MAST4: variants seen among roughly 807,000 people sequenced by gnomAD.
MAST4 encodes microtubule associated serine/threonine kinase family member 4, also known as microtubule-associated serine/threonine-protein kinase 4.
MAST4 carries 89 observed loss-of-function variants against 162.7 expected under a neutral mutation model. The observed-to-expected ratio is 0.55, with a 90% CI of 0.46 to 0.65. The LOEUF is 0.65. MAST4 is among the 30% of genes least tolerant of loss of function. The pLI is 0.00. For missense variants in MAST4, 3,153 were observed against 3,374.0 expected (o/e 0.93, Z 1.62); for synonymous variants, 1,479 against 1,361.1 (o/e 1.09, Z -1.91).
intron 3 of MAST4, among the ~76,000 whole-genome samples, chr5:66,828,032 A>G: frequency 6.6e-6 from 1 of 152,206 alleles, no homozygotes; most frequent in Non-Finnish European, 1.5e-5. Context: ...CTTATACACT[A>G]TACATAGGTT....
chr5:66,801,597 A>G lies in MAST4; in HGVS notation c.642+12803A>G, dbSNP rs75134999. The stretch of plus-strand genomic sequence containing the variant: ...ATAAACTACAAGATCTGCTTTTTAA[A>G]TCATCTGGAATAGAGCTTTACTGGT... On this transcript the variant is annotated intron_variant, in intron 3 of 28. Coordinates refer to ENST00000403625, the MANE Select transcript of MAST4 (RefSeq NM_001164664.2). Among the ~76,000 whole-genome samples, 1,109 of 152,342 alleles carry G rather than the reference A, an allele frequency of 7.3e-3. 28 individuals carry two copies. The highest frequency in any genetic ancestry group is 0.044 in the Admixed American group (668 of 15,294).
In MAST4 at chr5:66,912,874, C is replaced by T. The variant is rs925533798; in HGVS notation, c.674+12892C>T. Among the ~76,000 whole-genome samples the T allele has an allele frequency of 7.2e-5, 11 of 152,160 alleles. No homozygotes were observed. The East Asian group carries it at 7.7e-4, about 11-fold the overall frequency. ...GTTTTCATAAGGGTCTAAGTCTTTC[C>T]CTCCCAACACACACCACATCTACTA... is the stretch of plus-strand genomic sequence containing the variant. On this transcript the variant is annotated intron_variant, in intron 4 of 28. Coordinates refer to ENST00000403625, the MANE Select transcript of MAST4 (RefSeq NM_001164664.2).
chr5:66,642,985 A>T (rs969068431), intron 1 of MAST4, among the ~76,000 whole-genome samples: 4 of 152,200 alleles, frequency 2.6e-5, no homozygotes, highest in African/African-American at 9.6e-5. Context: ...ATACCTTTTG[A>T]ACATAAACCA....
chr5:67,167,135 G>T lies in MAST4; in HGVS notation c.*84G>T. ...GACTACCTTTCAAAACCAGCACTGT[G>T]TGGGAATGTCCGCCAGGCAGAGCTC... On this transcript the variant is annotated 3_prime_UTR_variant, in exon 29 of 29. Coordinates refer to ENST00000403625, the MANE Select transcript of MAST4 (RefSeq NM_001164664.2). 8.0e-7 allele frequency: 1 copy of T among 1,248,114 alleles called. No individual in the cohort carries two copies. Among genetic ancestry groups the T allele is most frequent in the Non-Finnish European group, 1.1e-6 (1 of 930,206 alleles). The allele number at this position is 1,248,114 out of a possible 1,614,324, so 77.3% of individuals were successfully genotyped here. A position where few individuals can be genotyped will look rare whatever the true frequency, so the allele number is the denominator to read the frequency against.
chr5:66,795,867 T>A (rs1221074455), intron 3 of MAST4, among the ~76,000 whole-genome samples: 1 of 152,180 alleles, frequency 6.6e-6, no homozygotes, highest in Non-Finnish European at 1.5e-5. Context: ...AAAGTAGTAA[T>A]CTCAATTGTG....
At chr5:66,750,832 C>T (rs368201086) in intron 1 of MAST4, among the ~76,000 whole-genome samples, 7 of 152,216 alleles carry the variant, frequency 4.6e-5, no homozygotes, top group East Asian at 3.9e-4. Context: ...TAGGCTCCAC[C>T]TCTGGGGGCA....
chr5:67,156,283 G>A lies in MAST4; in HGVS notation c.3648+2703G>A, dbSNP rs16896325. On this transcript the variant is annotated intron_variant, in intron 26 of 28. Transcript: ENST00000403625. ...CAATCTAAGCTTATCTGCTGGAAAGGAGTATAAGATGATTTGCACCCAGGC... is the reference window on the plus strand; with the variant it reads ...CAATCTAAGCTTATCTGCTGGAAAGAAGTATAAGATGATTTGCACCCAGGC... 4.8e-3 allele frequency among the ~76,000 whole-genome samples: 729 copies of A among 152,226 alleles called. 20 individuals carry two copies. The East Asian group carries it at 0.059, about 12-fold the overall frequency.
chr5:66,932,065 C>G (rs1561456618), intron 4 of MAST4, among the ~76,000 whole-genome samples: 1 of 152,148 alleles, frequency 6.6e-6, no homozygotes, highest in African/African-American at 2.4e-5. Context: ...CTGAATTGCT[C>G]TAAATAAAAT....
chr5:67,070,309 C>T (rs1378560704), intron 5 of MAST4, among the ~76,000 whole-genome samples: 7 of 152,110 alleles, frequency 4.6e-5, no homozygotes, highest in Non-Finnish European at 1.0e-4. Flanking sequence ...ATCAGTCTGC[C>T]CTGTCAGTGG....
chr5:66,986,319 C>T, intron 4 of MAST4: 1 of 572,104 alleles, frequency 1.7e-6, no homozygotes, highest in Non-Finnish European at 3.0e-6. Flanking sequence ...CCAAGCGGGA[C>T]TTGACTTTTA....
chr5:67,061,755 T>C (rs1397323339), intron 5 of MAST4, among the ~76,000 whole-genome samples: 1 of 151,860 alleles, frequency 6.6e-6, no homozygotes, highest in Non-Finnish European at 1.5e-5. Context: ...TTTCTTTACC[T>C]TTTCATACTC....
chr5:66,663,992 T>TA (rs1157841933), intron 1 of MAST4, among the ~76,000 whole-genome samples: 1 of 152,082 alleles, frequency 6.6e-6, no homozygotes, highest in Non-Finnish European at 1.5e-5. Flanking sequence ...TTGCATCCCA[T>TA]ATGCATTTTG....
rs1394447948 is a variant in MAST4 at position 66,807,517 on chromosome 5, AT to A, written c.642+18724del. On this transcript the variant is annotated intron_variant, in intron 3 of 28. Transcript: ENST00000403625. ...GACTCCGTCTCAAAAAAAAAAAAAA[AT>A]GTACAATTAAATTATTACGGACTGT... Among the ~76,000 whole-genome samples the A allele has an allele frequency of 3.0e-3, 457 of 151,994 alleles. 2 individuals carry two copies. Among genetic ancestry groups the A allele is most frequent in the African/African-American group, 0.01 (434 of 41,444 alleles).
At chr5:66,700,336 C>T (rs181348066) in intron 1 of MAST4, among the ~76,000 whole-genome samples, 21 of 152,164 alleles carry the variant, frequency 1.4e-4, no homozygotes, top group East Asian at 5.8e-4. Context: ...TTTTTGTTCT[C>T]GCTCTTTTTT....
rs1473051552 is a variant in MAST4 at position 67,166,370 on chromosome 5, G to A, written c.7191G>A (p.Glu2397=). Residue 2397 remains glutamate, a synonymous_variant, in exon 29 of 29, where the codon GAG becomes GAA. Transcript: ENST00000403625. The part of the protein sequence containing the change: ...LEAGLSFVHS[E]NRLKGAERPA... ...CCGGCCTTTCCTTTGTGCATAGCGA[G>A]AACCGGTTGAAAGGCGCGGAGCGGC... The A allele has an allele frequency of 1.2e-6, 2 of 1,611,416 alleles. No individual in the cohort carries two copies. Among genetic ancestry groups the A allele is most frequent in the Non-Finnish European group, 1.7e-6 (2 of 1,178,728 alleles).
chr5:67,165,570 A>G lies in MAST4; in HGVS notation c.6391A>G (p.Ser2131Gly). 1 of 1,613,970 alleles carries G rather than the reference A, an allele frequency of 6.2e-7. No homozygotes were observed. The highest frequency in any genetic ancestry group is 8.5e-7 in the Non-Finnish European group (1 of 1,179,856). Reference protein sequence around the residue: ...RKEQPLQRHPSSIPPPPLTAK... With the variant: ...RKEQPLQRHPGSIPPPPLTAK... ...GGAGCAGCCTCTACAAAGGCATCCCAGCAGCATCCCTCCGCCCCCTCTGAC... is the reference window on the plus strand; with the variant it reads ...GGAGCAGCCTCTACAAAGGCATCCCGGCAGCATCCCTCCGCCCCCTCTGAC... Residue 2131 changes from serine (S) to glycine (G), a missense_variant, in exon 29 of 29, where the codon AGC becomes GGC. By Grantham distance (56) the Ser-to-Gly change is moderately conservative (BLOSUM62 0). Transcript: ENST00000403625.
chr5:67,107,586 A>G (rs1245526768), intron 10 of MAST4, among the ~76,000 whole-genome samples: 2 of 152,214 alleles, frequency 1.3e-5, no homozygotes, highest in Non-Finnish European at 2.9e-5. Flanking sequence ...AGATAGAGCC[A>G]AATTGTGAAA....
At chr5:66,916,252 A>T (rs1764111832) in intron 4 of MAST4, among the ~76,000 whole-genome samples, 1 of 152,200 alleles carries the variant, frequency 6.6e-6, no homozygotes, top group Non-Finnish European at 1.5e-5. Flanking sequence ...CCAATGGCTT[A>T]GAACATTCAG....
At position 67,166,930 on chromosome 5, in the gene MAST4, A is replaced by C. The variant is rs1774095216; in HGVS notation, c.7751A>C (p.Lys2584Thr). 6.2e-7 allele frequency: 1 copy of C among 1,611,854 alleles called. No homozygotes were observed. Among genetic ancestry groups the C allele is most frequent in the Non-Finnish European group, 8.5e-7 (1 of 1,179,458 alleles). ...RKQNVGRDVT[K>T]PSPAPNTDRP... ...CAGAACGTGGGCAGAGACGTGACCA[A>C]GCCATCCCCAGCCCCAAACACTGAC... The change falls in exon 29 of 29, where the codon AAG becomes ACG. Residue 2584 changes from lysine to threonine, a missense_variant. Lys to Thr is a moderately conservative substitution (Grantham distance 78). Coordinates refer to ENST00000403625, the MANE Select transcript of MAST4 (RefSeq NM_001164664.2).
Sources: allele counts gnomAD v4.1 joint callset (sites outside exome capture counted in the v4.1 genomes callset), GRCh38; gene constraint gnomAD v4.1.1; transcripts MANE v1.5; gene names NCBI Gene and HGNC (gene_info 2026-07-23, HGNC 2026-07-21).